SYCP2: variants seen among roughly 807,000 people sequenced by gnomAD.
SYCP2 encodes synaptonemal complex lateral element protein.
In SYCP2, 55 loss-of-function variants were observed where a neutral mutation model predicts 211.3. That is an observed-to-expected ratio of 0.26 (90% CI 0.21 to 0.33). The LOEUF (loss-of-function observed/expected upper bound fraction) is 0.33. Ranked by LOEUF, SYCP2 falls within the 10% of genes least tolerant of loss-of-function variation. SYCP2 has a pLI of 1.00. For missense variants in SYCP2, 1,731 were observed against 1,752.0 expected, an observed-to-expected ratio of 0.99 and a Z score of 0.21; for synonymous variants, 570 against 555.2, an observed-to-expected ratio of 1.03 and a Z score of -0.37.
In SYCP2 at chr20:59,893,070, T is replaced by C. The variant is rs962817965; in HGVS notation, c.1793+72A>G. The C allele has an allele frequency of 3.0e-5, 32 of 1,074,760 alleles. No individual in the cohort carries two copies. The African/African-American group carries it at 4.7e-4, about 16-fold the overall frequency. The allele number at this position is 1,074,760 out of a possible 1,614,324, so 66.6% of individuals were successfully genotyped here. On this transcript the variant is annotated intron_variant, in intron 22 of 44. Transcript: ENST00000357552. ...TTCTAATCATATACAGTCCTTTTCCTCCAAATCTGTTACATTCACTGAAAA... is the reference window on the plus strand; with the variant it reads ...TTCTAATCATATACAGTCCTTTTCCCCCAAATCTGTTACATTCACTGAAAA...
chr20:59,868,094 T>C (rs1310786371), intron 38 of SYCP2, among the ~76,000 whole-genome samples: 3 of 151,844 alleles, frequency 2.0e-5, no homozygotes, highest in East Asian at 3.9e-4. Flanking sequence ...GGAACATTTA[T>C]GGATTATTTT....
chr20:59,922,447 AC>A lies in SYCP2; in HGVS notation c.-35del. On this transcript the variant is annotated 5_prime_UTR_variant, in exon 3 of 45. Coordinates refer to ENST00000357552, the MANE Select transcript of SYCP2 (RefSeq NM_014258.4). The stretch of plus-strand genomic sequence containing the variant: ...CATTTAAAAAAAAAAAAAAAGCAAG[AC>A]AAAATAAACACCTATAAAAGAAAAC... The A allele has an allele frequency of 7.1e-6, 10 of 1,406,080 alleles. No homozygotes were observed. Among genetic ancestry groups the A allele is most frequent in the South Asian group, 1.3e-5 (1 of 78,584 alleles). 87.1% of individuals were successfully genotyped at this position (1,406,080 alleles called of 1,614,324 possible).
intron 26 of SYCP2, among the ~76,000 whole-genome samples, 197 bp from the exon 27 acceptor site, chr20:59,882,362 G>C (rs2059701622): frequency 6.6e-6 from 1 of 152,028 alleles, no homozygotes; most frequent in Non-Finnish European, 1.5e-5. Flanking sequence ...GAACGCAAAT[G>C]GTGGTACAAC....
Position 59,866,971 on chromosome 20 carries a change from T to C in SYCP2, c.4126-382A>G, listed in dbSNP as rs1242401095. On this transcript the variant is annotated intron_variant, in intron 39 of 44. Transcript: ENST00000357552. ...CTAGCTACAGACACATAGGAGAATA[T>C]ATAAGTCAAAGCTTCTCTATTCAGA... is the stretch of plus-strand genomic sequence containing the variant. Among the ~76,000 whole-genome samples, 7 of 122,236 alleles carry C rather than the reference T, an allele frequency of 5.7e-5. No homozygotes were observed. In the South Asian group the frequency reaches 1.0e-3, roughly 18 times the overall value. 80.2% of individuals were successfully genotyped at this position (122,236 alleles called of 152,430 possible). A position where few individuals can be genotyped will look rare whatever the true frequency, so the allele number is the denominator to read the frequency against.
chr20:59,912,614 T>G (rs752165659), intron 12 of SYCP2, among the ~76,000 whole-genome samples, 196 bp from the exon 13 acceptor site: 2 of 152,208 alleles, frequency 1.3e-5, no homozygotes, highest in Non-Finnish European at 2.9e-5. Context: ...ATCATATTAC[T>G]TTGACAATAC....
rs770836178 is a variant in SYCP2, at chr20:59,893,152, CTCT to C, written c.1780_1782del (p.Arg594del). On this transcript the variant is annotated inframe_deletion, in exon 22 of 45. Coordinates refer to ENST00000357552, the MANE Select transcript of SYCP2 (RefSeq NM_014258.4). The stretch of plus-strand genomic sequence containing the variant: ...TTTTCTCATACTTACATAGTATGAT[CTCT>C]TTTTTCCGCTGCCTGTGAATCTGGT... The C allele has an allele frequency of 1.9e-6, 3 of 1,600,928 alleles. 1 individual carries two copies. The highest frequency in any genetic ancestry group is 2.7e-5 in the African/African-American group (2 of 74,490).
chr20:59,902,733 C>T (rs1204662811), intron 15 of SYCP2, among the ~76,000 whole-genome samples: 1 of 152,124 alleles, frequency 6.6e-6, no homozygotes, highest in Non-Finnish European at 1.5e-5. Flanking sequence ...GCTCATAAAA[C>T]TTTCACAGTA....
At position 59,875,459 on chromosome 20, in the gene SYCP2, A is replaced by C; in HGVS notation, c.3161T>G (p.Ile1054Ser). 6.2e-7 allele frequency: 1 copy of C among 1,611,094 alleles called. No individual in the cohort carries two copies. The highest frequency in any genetic ancestry group is 1.7e-5 in the Admixed American group (1 of 59,808). Residue 1054 changes from isoleucine to serine, a missense_variant, in exon 34 of 45, where the codon ATC (isoleucine) becomes AGC (serine). Coordinates refer to ENST00000357552, the MANE Select transcript of SYCP2 (RefSeq NM_014258.4). ...KENIPVKEENIHSRMKTVKLP... is the reference protein window; with the variant it reads ...KENIPVKEENSHSRMKTVKLP... ...CTTTACCGTTTTCATTCTGGAATGG[A>C]TATTCTCCTCCTAAATGTATCAATA...
rs112769914 is a variant in SYCP2, at chr20:59,903,455, T to C, written c.1034-1645A>G. Among the ~76,000 whole-genome samples the C allele has an allele frequency of 6.4e-3, 976 of 152,206 alleles. 15 individuals carry two copies. Among genetic ancestry groups the C allele is most frequent in the African/African-American group, 0.022 (913 of 41,538 alleles). ...AAAGTAGGCTTTTTGTTTTATGATG[T>C]AGACATTTGAGCCCATTGATATACT... On this transcript the variant is annotated intron_variant, in intron 15 of 44. Transcript: ENST00000357552.
rs188436327 is a variant in SYCP2 at position 59,923,203 on chromosome 20, G to A, written c.-46-744C>T. On this transcript the variant is annotated intron_variant, in intron 2 of 44. Coordinates refer to ENST00000357552, the MANE Select transcript of SYCP2 (RefSeq NM_014258.4). ...ATCACTTCAAACAATCCTATCTTGT[G>A]TGTTTCTGACAAAGATCAAAGATAA... is the stretch of plus-strand genomic sequence containing the variant. Among the ~76,000 whole-genome samples, 4 of 152,064 alleles carry A rather than the reference G, an allele frequency of 2.6e-5. No individual in the cohort carries two copies. In the South Asian group the frequency reaches 6.2e-4, roughly 24 times the overall value.
At chr20:59,904,674 TAGA>T (rs1265867966) in intron 15 of SYCP2, among the ~76,000 whole-genome samples, 1 of 152,160 alleles carries the variant, frequency 6.6e-6, no homozygotes, top group Non-Finnish European at 1.5e-5. Context: ...CAGATCTTTT[TAGA>T]AGAAGACTAT....
At chr20:59,906,779 C>T (rs1166504758) in intron 15 of SYCP2, among the ~76,000 whole-genome samples, 2 of 151,358 alleles carry the variant, frequency 1.3e-5, no homozygotes, top group African/African-American at 2.4e-5. Flanking sequence ...ATATATATGT[C>T]AAAGGAGTGG....
At chr20:59,880,225 GC>G in intron 31 of SYCP2, 77 bp downstream of exon 31, 2 of 1,147,808 alleles carry the variant, frequency 1.7e-6, no homozygotes, top group Non-Finnish European at 2.5e-6. Context: ...AATACAATAA[GC>G]TTATATAAAG....
Position 59,900,144 on chromosome 20 carries a change from C to T in SYCP2, c.1398G>A (p.Gln466=), listed in dbSNP as rs2060088104. 1 of 1,612,816 alleles carries T rather than the reference C, an allele frequency of 6.2e-7. No individual in the cohort carries two copies. Among genetic ancestry groups the T allele is most frequent in the Non-Finnish European group, 8.5e-7 (1 of 1,179,278 alleles). The change falls in exon 18 of 45, where the codon CAG becomes CAA. Residue 466 remains glutamine, a synonymous_variant. Coordinates refer to ENST00000357552, the MANE Select transcript of SYCP2 (RefSeq NM_014258.4). ...NSDKGNRNNS[Q]LEKTTPSKRK... is the part of the protein sequence containing the mutation. ...ATTTTGACACCATCTTTACCTCAAG[C>T]TGACTATTATTTCTATTCCCTTTGT...
Position 59,912,264 on chromosome 20 carries a change from G to A in SYCP2, c.876+109C>T, listed in dbSNP as rs117466872. ...AGAATACTAGACCAGCTACATTCATGATCTAATTACAACTATTTTTAGTGT... is the reference window on the plus strand; with the variant it reads ...AGAATACTAGACCAGCTACATTCATAATCTAATTACAACTATTTTTAGTGT... On this transcript the variant is annotated intron_variant, in intron 13 of 44. Transcript: ENST00000357552. 1.4e-3 allele frequency: 750 copies of A among 552,640 alleles called. 11 individuals carry two copies. The East Asian group carries it at 0.026, about 19-fold the overall frequency. 34.2% of individuals were successfully genotyped at this position (552,640 alleles called of 1,614,324 possible).
intron 26 of SYCP2, 25 bp from the exon 27 acceptor site, chr20:59,882,190 C>A: frequency 6.5e-7 from 1 of 1,533,022 alleles, no homozygotes; most frequent in South Asian, 1.1e-5. Flanking sequence ...ATAAAAAAAT[C>A]ATTAAATGGC....
chr20:59,901,249 T>C (rs536754189), intron 16 of SYCP2, among the ~76,000 whole-genome samples: 1 of 152,196 alleles, frequency 6.6e-6, no homozygotes, highest in African/African-American at 2.4e-5. Flanking sequence ...CCCATATCCA[T>C]AACAATGCTA....
Position 59,916,480 on chromosome 20 carries a change from C to T in SYCP2, c.513+6G>A, listed in dbSNP as rs1216318146. On this transcript the variant is annotated splice_donor_region_variant and intron_variant, in intron 8 of 44. Transcript: ENST00000357552. ...TAGTTTTTAAAACACAAATAAATGA[C>T]TTTACCTCTTGCTGAATACAAATAT... 6.4e-7 allele frequency: 1 copy of T among 1,565,464 alleles called. No homozygotes were observed. The highest frequency in any genetic ancestry group is 2.2e-5 in the East Asian group (1 of 44,468).
chr20:59,865,819 CT>C lies in SYCP2; in HGVS notation c.4366del (p.Ser1456AlafsTer9). The C allele has an allele frequency of 1.0e-5, 15 of 1,437,310 alleles. No individual in the cohort carries two copies. Among genetic ancestry groups the C allele is most frequent in the East Asian group, 2.5e-5 (1 of 40,024 alleles). The allele number at this position is 1,437,310 out of a possible 1,614,324, so 89.0% of individuals were successfully genotyped here. ...IFQKFSAYQK[S>X]EQQRLHLLKT... ...ATGTCATACTAACCTCTGTTGTTCGCTTTTTTGATATGCACTGAACTTCTGA... is the reference window on the plus strand; with the variant it reads ...ATGTCATACTAACCTCTGTTGTTCGCTTTTTGATATGCACTGAACTTCTGA... On this transcript the variant is annotated frameshift_variant, in exon 42 of 45. Transcript: ENST00000357552. LOFTEE classifies it high-confidence loss of function.
Sources: gnomAD v4.1 joint callset for allele counts (sites outside exome capture counted in the v4.1 genomes callset) on GRCh38, gnomAD v4.1.1 for gene constraint, MANE v1.5 for transcripts, NCBI Gene and HGNC (gene_info 2026-07-23, HGNC 2026-07-21) for gene names.